PDE11A: variants seen among roughly 807,000 people sequenced by gnomAD.
The protein encoded by PDE11A is dual 3',5'-cyclic-AMP and -GMP phosphodiesterase 11A.
PDE11A carries 100 observed loss-of-function variants against 100.5 expected under a neutral mutation model. The observed-to-expected ratio is 1.00, with a 90% CI of 0.85 to 1.18. The LOEUF is 1.18. PDE11A is among the 50% of genes most tolerant of loss of function. The pLI is 0.00. For missense variants in PDE11A, 1,141 were observed against 1,152.6 expected (o/e 0.99, Z 0.15); for synonymous variants, 381 against 420.8 (o/e 0.91, Z 1.16).
chr2:177,972,365 T>G (rs1315935977), intron 2 of PDE11A, among the ~76,000 whole-genome samples: 1 of 152,136 alleles, frequency 6.6e-6, no homozygotes, highest in African/African-American at 2.4e-5. Flanking sequence ...TGACTCAAAA[T>G]ACACCCTGGG....
At chr2:177,810,731 T>TG (rs929589049) in intron 9 of PDE11A, among the ~76,000 whole-genome samples, 1 of 152,078 alleles carries the variant, frequency 6.6e-6, no homozygotes, top group African/African-American at 2.4e-5. Flanking sequence ...TAATAGGTAA[T>TG]GGGGGAGTAA....
In PDE11A at chr2:178,071,895, A is replaced by C. The variant is rs2087136961; in HGVS notation, c.543T>G (p.Asn181Lys). 1 of 1,613,700 alleles carries C rather than the reference A, an allele frequency of 6.2e-7. No homozygotes were observed. Among genetic ancestry groups the C allele is most frequent in the Non-Finnish European group, 8.5e-7 (1 of 1,179,772 alleles). The change falls in exon 1 of 20, where the codon AAT (asparagine) becomes AAG (lysine). Residue 181 changes from asparagine to lysine, a missense_variant. Asn to Lys is a moderately conservative substitution (Grantham distance 94). Coordinates refer to ENST00000286063, the MANE Select transcript of PDE11A (RefSeq NM_016953.4). ...ILSALLESRV[N>K]LPRYPPTAID... ...TGGCTGTAGGGGGATACCGAGGCAG[A>C]TTCACTCTCGATTCCAGCAGCGCAC...
chr2:177,660,738 C>T (rs566504166), intron 19 of PDE11A, among the ~76,000 whole-genome samples: 1 of 152,350 alleles, frequency 6.6e-6, no homozygotes, highest in East Asian at 1.9e-4. Flanking sequence ...TAATCTTCCC[C>T]TTTGCTTGGA....
intron 10 of PDE11A, among the ~76,000 whole-genome samples, chr2:177,768,153 C>T (rs562435767): frequency 6.9e-4 from 105 of 152,258 alleles, no homozygotes; most frequent in African/African-American, 2.4e-3. Flanking sequence ...GCGAGGAGTT[C>T]TTTTATCCCT....
At chr2:177,990,198 G>A (rs1312978029) in intron 2 of PDE11A, among the ~76,000 whole-genome samples, 2 of 152,176 alleles carry the variant, frequency 1.3e-5, no homozygotes, top group South Asian at 2.1e-4. Context: ...TAGTAACCAT[G>A]TACTCTTTTC....
Position 177,979,913 on chromosome 2 carries a change from G to A in PDE11A, c.1071+34389C>T, listed in dbSNP as rs535978125. ...GCGTGAGCCACCGCGCCCGGCAGAT[G>A]ATCATTTTTATCAAACAATAGTGAA... is the stretch of plus-strand genomic sequence containing the variant. On this transcript the variant is annotated intron_variant, in intron 2 of 19. Coordinates refer to ENST00000286063, the MANE Select transcript of PDE11A (RefSeq NM_016953.4). 4.1e-4 allele frequency among the ~76,000 whole-genome samples: 61 copies of A among 150,434 alleles called. 1 individual carries two copies. Among genetic ancestry groups the A allele is most frequent in the African/African-American group, 1.4e-3 (59 of 41,374 alleles).
chr2:178,105,471 C>T (rs111359832), intron 1 of PDE11A, among the ~76,000 whole-genome samples: 2 of 152,022 alleles, frequency 1.3e-5, no homozygotes, highest in African/African-American at 4.8e-5. Context: ...AAAACAAAAA[C>T]AAAAACAAAA....
chr2:177,859,931 C>G (rs1162767304), intron 5 of PDE11A, among the ~76,000 whole-genome samples: 1 of 151,420 alleles, frequency 6.6e-6, no homozygotes, highest in Non-Finnish European at 1.5e-5. Flanking sequence ...TAAAACATAC[C>G]AAAATACACT....
chr2:178,021,276 A>G (rs1024842607), intron 1 of PDE11A, among the ~76,000 whole-genome samples: 5 of 152,108 alleles, frequency 3.3e-5, no homozygotes, highest in Admixed American at 6.5e-5. Context: ...TTAAGTCTTA[A>G]TGGTTTTAAA....
intron 2 of PDE11A, among the ~76,000 whole-genome samples, chr2:177,944,467 A>G (rs977711282): frequency 1.2e-4 from 19 of 152,208 alleles, no homozygotes; most frequent in African/African-American, 4.6e-4. Flanking sequence ...GTGGAACTAC[A>G]CTAAGGATTC....
At chr2:177,867,286 A>G (rs900992825) in intron 5 of PDE11A, among the ~76,000 whole-genome samples, 3 of 152,234 alleles carry the variant, frequency 2.0e-5, no homozygotes, top group Admixed American at 6.5e-5. Flanking sequence ...CCAGGGTTGC[A>G]TGCTTTTGAG....
chr2:177,652,692 G>A (rs751868073), intron 19 of PDE11A, among the ~76,000 whole-genome samples: 1 of 152,130 alleles, frequency 6.6e-6, no homozygotes, highest in Non-Finnish European at 1.5e-5. Context: ...CTAATATAGG[G>A]AATCCAAATG....
intron 4 of PDE11A, among the ~76,000 whole-genome samples, chr2:177,893,854 T>C (rs930419442): frequency 1.3e-5 from 2 of 152,208 alleles, no homozygotes; most frequent in African/African-American, 2.4e-5. Flanking sequence ...TGAGATCTTA[T>C]ATGGATTCCC....
At chr2:177,684,362 A>G (rs970109140) in intron 15 of PDE11A, among the ~76,000 whole-genome samples, 22 of 152,238 alleles carry the variant, frequency 1.4e-4, no homozygotes, top group African/African-American at 5.3e-4. Context: ...GTGGGTGCCA[A>G]AAAACTTAGT....
At chr2:177,794,764 GTTTT>G (rs201532314) in intron 9 of PDE11A, among the ~76,000 whole-genome samples, 38 of 148,220 alleles carry the variant, frequency 2.6e-4, no homozygotes, top group East Asian at 6.0e-4. Context: ...TTGGTGTCTG[GTTTT>G]TGTTTGTTTG....
At chr2:177,845,814 CGGTT>C (rs2083587025) in intron 5 of PDE11A, among the ~76,000 whole-genome samples, 2 of 152,230 alleles carry the variant, frequency 1.3e-5, no homozygotes, top group African/African-American at 2.4e-5. Context: ...GGATCACTTG[CGGTT>C]AGGGGCTGGA....
chr2:177,716,286 C>T (rs1462612292), intron 12 of PDE11A, among the ~76,000 whole-genome samples: 1 of 152,190 alleles, frequency 6.6e-6, no homozygotes, highest in Non-Finnish European at 1.5e-5. Context: ...GTTTCCATCA[C>T]TCCCTCATTC....
chr2:177,793,317 C>T (rs10178858), intron 9 of PDE11A, among the ~76,000 whole-genome samples: 50,481 of 151,930 alleles, frequency 0.33, 8,765 homozygotes, highest in African/African-American at 0.39. Context: ...GAAGTGACCA[C>T]CACTCTGACT....
upstream of PDE11A, chr2:178,072,862 A>G: frequency 8.7e-7 from 1 of 1,150,708 alleles, no homozygotes; most frequent in Non-Finnish European, 1.1e-6. Context: ...AGAGAAGAGG[A>G]GGGAGCCGCG....
Sources: gnomAD v4.1 joint callset for allele counts (sites outside exome capture counted in the v4.1 genomes callset) on GRCh38, gnomAD v4.1.1 for gene constraint, MANE v1.5 for transcripts, NCBI Gene and HGNC (gene_info 2026-07-23, HGNC 2026-07-21) for gene names.